Variants in NLGN1 observed in about 807,000 individuals in gnomAD.
NLGN1 encodes neuroligin 1.
NLGN1 carries 12 observed loss-of-function variants against 65.5 expected under a neutral mutation model. That is an observed-to-expected ratio of 0.18 (90% CI 0.12 to 0.30). The LOEUF is 0.30. Ranked by LOEUF, NLGN1 falls within the 10% of genes least tolerant of loss-of-function variation. The probability of loss-of-function intolerance (pLI) is 1.00; values close to 1 mark genes in which losing one functional copy is unlikely to be tolerated. For missense variants in NLGN1, 750 were observed against 1,007.1 expected (o/e 0.74, Z 3.46); for synonymous variants, 350 against 359.5 (o/e 0.97, Z 0.30).
At chr3:174,024,378 T>C (rs905185115) in intron 4 of NLGN1, among the ~76,000 whole-genome samples, 1 of 152,080 alleles carries the variant, frequency 6.6e-6, no homozygotes, top group East Asian at 1.9e-4. Context: ...ATGAGAACAA[T>C]AGGAGTGCAT....
At chr3:173,888,981 A>G (rs2150965278) in intron 4 of NLGN1, among the ~76,000 whole-genome samples, 1 of 152,298 alleles carries the variant, frequency 6.6e-6, no homozygotes, top group South Asian at 2.1e-4. Context: ...AGAGTAGAAT[A>G]CTACATTTCA....
At chr3:174,068,891 A>G (rs1739226200) in intron 4 of NLGN1, among the ~76,000 whole-genome samples, 1 of 152,174 alleles carries the variant, frequency 6.6e-6, no homozygotes, top group Admixed American at 6.6e-5. Flanking sequence ...TTCTACATTA[A>G]TGTGTGTGCC....
At chr3:173,779,542 A>G (rs6774109) in intron 3 of NLGN1, among the ~76,000 whole-genome samples, 120,775 of 151,916 alleles carry the variant, frequency 0.8, 48,913 homozygotes, top group Non-Finnish European at 0.86. Flanking sequence ...CCTGGGCCAC[A>G]ACCTCAGATA....
chr3:174,006,002 A>G lies in NLGN1; in HGVS notation c.646+198170A>G, dbSNP rs550641654. Among the ~76,000 whole-genome samples the G allele has an allele frequency of 5.3e-5, 8 of 152,290 alleles. No homozygotes were observed. In the South Asian group the frequency reaches 1.7e-3, roughly 32 times the overall value. ...ACTTCTCTCTACTACTATACGGTCA[A>G]ACTGCCCTCTCCTGCCTCTGCCTTC... On this transcript the variant is annotated intron_variant, in intron 4 of 6. Transcript: ENST00000457714.
At position 173,596,788 on chromosome 3, in the gene NLGN1, C is replaced by T. The variant is rs570039388; in HGVS notation, c.-320-7491C>T. Among the ~76,000 whole-genome samples the T allele has an allele frequency of 3.7e-3, 570 of 152,226 alleles. 6 individuals carry two copies. Among genetic ancestry groups the T allele is most frequent in the African/African-American group, 0.013 (529 of 41,544 alleles). On this transcript the variant is annotated intron_variant, in intron 2 of 6. Transcript: ENST00000457714. ...TGATATTCTCATCTCAGAGTAAACC[C>T]TTTTTGGCCTTGGTTTTAATTGTTT...
intron 2 of NLGN1, among the ~76,000 whole-genome samples, chr3:173,561,172 G>A (rs1050515870): frequency 1.5e-4 from 23 of 152,114 alleles, no homozygotes; most frequent in African/African-American, 3.9e-4. Context: ...AGGAACTTCC[G>A]GTAGCCTTCC....
At chr3:173,640,356 A>G (rs745869243) in intron 3 of NLGN1, among the ~76,000 whole-genome samples, 2 of 152,114 alleles carry the variant, frequency 1.3e-5, no homozygotes, top group Admixed American at 6.5e-5. Flanking sequence ...TACCATAAAC[A>G]TTCTTTATAT....
intron 4 of NLGN1, among the ~76,000 whole-genome samples, chr3:173,966,316 T>A (rs1255330506): frequency 6.6e-6 from 1 of 152,172 alleles, no homozygotes; most frequent in African/African-American, 2.4e-5. Context: ...GAATCTGACA[T>A]GTGACTAATC....
At chr3:173,852,317 C>A (rs1276557190) in intron 4 of NLGN1, among the ~76,000 whole-genome samples, 1 of 134,130 alleles carries the variant, frequency 7.5e-6, no homozygotes, top group Admixed American at 8.6e-5. Context: ...GATCGCGCCA[C>A]TGCACTCCAG....
At chr3:174,201,336 G>T (rs1734429985) in intron 4 of NLGN1, among the ~76,000 whole-genome samples, 1 of 119,480 alleles carries the variant, frequency 8.4e-6, no homozygotes, top group Non-Finnish European at 1.8e-5. Flanking sequence ...AGGAGGGAAG[G>T]TGGGAGGAAT....
intron 3 of NLGN1, among the ~76,000 whole-genome samples, chr3:173,648,776 C>T (rs781154982): frequency 2.4e-4 from 36 of 151,806 alleles, no homozygotes; most frequent in Non-Finnish European, 4.0e-4. Context: ...GATTTCACCA[C>T]GTTGGTCAGG....
chr3:174,205,576 T>C (rs1224676296), intron 4 of NLGN1, among the ~76,000 whole-genome samples: 1 of 152,210 alleles, frequency 6.6e-6, no homozygotes, highest in East Asian at 1.9e-4. Context: ...TGTGTTGGTC[T>C]TTTGTATATA....
chr3:173,876,284 T>G (rs2150898394), intron 4 of NLGN1, among the ~76,000 whole-genome samples: 1 of 152,278 alleles, frequency 6.6e-6, no homozygotes, highest in East Asian at 1.9e-4. Flanking sequence ...GCGTTTTGCC[T>G]TAGTAACTTA....
At chr3:173,956,660 T>C (rs1712132973) in intron 4 of NLGN1, among the ~76,000 whole-genome samples, 1 of 152,210 alleles carries the variant, frequency 6.6e-6, no homozygotes, top group Non-Finnish European at 1.5e-5. Flanking sequence ...AAGTCCTAAA[T>C]ACACTTAAAG....
At chr3:174,204,273 T>G (rs1001577029) in intron 4 of NLGN1, among the ~76,000 whole-genome samples, 3 of 152,224 alleles carry the variant, frequency 2.0e-5, no homozygotes, top group Admixed American at 2.0e-4. Context: ...AAACAATTAA[T>G]CAGAATAGAT....
intron 4 of NLGN1, among the ~76,000 whole-genome samples, chr3:174,109,533 C>A (rs1182395273): frequency 6.6e-6 from 1 of 151,854 alleles, no homozygotes; most frequent in Admixed American, 6.6e-5. Context: ...TTTTATTTGA[C>A]CTACAACTGT....
chr3:173,906,395 A>G (rs762016957), intron 4 of NLGN1, among the ~76,000 whole-genome samples: 4 of 152,190 alleles, frequency 2.6e-5, no homozygotes. Context: ...ATTTATATTA[A>G]TAGTTGATAA....
intron 3 of NLGN1, among the ~76,000 whole-genome samples, chr3:173,651,745 C>T (rs1759214351): frequency 6.6e-6 from 1 of 151,654 alleles, no homozygotes. Context: ...GCTTGTTGAC[C>T]ATTTGTATGT....
chr3:173,918,702 G>GTGTGTA (rs1491097079), intron 4 of NLGN1, among the ~76,000 whole-genome samples: 2 of 68,004 alleles, frequency 2.9e-5, no homozygotes, highest in African/African-American at 5.4e-5. Context: ...GTGTGTGTGT[G>GTGTGTA]TATATATATA....
Sources: allele counts gnomAD v4.1 joint callset (sites outside exome capture counted in the v4.1 genomes callset), GRCh38; gene constraint gnomAD v4.1.1; transcripts MANE v1.5; gene names NCBI Gene and HGNC (gene_info 2026-07-23, HGNC 2026-07-21).